The following DOCK4 variants were observed in gnomAD, a reference collection of about 807,000 sequenced individuals.
The protein encoded by DOCK4 is dedicator of cytokinesis 4.
In DOCK4, 97 loss-of-function variants were observed where a neutral mutation model predicts 268.1. That is an observed-to-expected ratio of 0.36 (90% confidence interval 0.31 to 0.43). DOCK4 has a LOEUF of 0.43. Ranked by LOEUF, DOCK4 falls within the 20% of genes least tolerant of loss-of-function variation. The pLI is 1.00. For synonymous variants in DOCK4, 954 were observed against 887.2 expected, an observed-to-expected ratio of 1.08 and a Z score of -1.34; for missense variants, 2,145 against 2,455.7, an observed-to-expected ratio of 0.87 and a Z score of 2.67.
chr7:111,744,675 T>C (rs1796148060), intron 44 of DOCK4, among the ~76,000 whole-genome samples: 1 of 152,172 alleles, frequency 6.6e-6, no homozygotes, highest in African/African-American at 2.4e-5. Flanking sequence ...AAAACACAGA[T>C]CTTTAAAAAT....
At chr7:112,128,716 GCATGCTCGTTAAGAGTCAT>G (rs1226216600) in intron 1 of DOCK4, among the ~76,000 whole-genome samples, 1 of 152,016 alleles carries the variant, frequency 6.6e-6, no homozygotes, top group East Asian at 1.9e-4. Context: ...CTTGAAGGCA[GCATGCTCGTTAAGAGTCAT>G]CACCACTCCC....
intron 1 of DOCK4, among the ~76,000 whole-genome samples, chr7:112,201,422 C>T (rs1820924119): frequency 1.3e-5 from 2 of 152,076 alleles, no homozygotes; most frequent in Admixed American, 1.3e-4. Flanking sequence ...TTATAAGGTT[C>T]ATGGATTTTC....
intron 1 of DOCK4, among the ~76,000 whole-genome samples, chr7:112,082,054 TG>T (rs57896953): frequency 0.5 from 75,574 of 151,858 alleles, 21,032 homozygotes; most frequent in African/African-American, 0.77. Flanking sequence ...TGGAGAGGCG[TG>T]GGGAATTACA....
chr7:111,937,129 A>G (rs187861969), intron 11 of DOCK4, among the ~76,000 whole-genome samples: 124 of 150,330 alleles, frequency 8.2e-4, no homozygotes, highest in Non-Finnish European at 1.0e-3. Flanking sequence ...ACAAACAAAC[A>G]AAAGCTCCTA....
chr7:112,181,065 AT>A (rs1209271570), intron 1 of DOCK4, among the ~76,000 whole-genome samples: 2 of 152,246 alleles, frequency 1.3e-5, no homozygotes, highest in Non-Finnish European at 2.9e-5. Flanking sequence ...AATGTTGTTA[AT>A]TTTGCTCATT....
At chr7:112,072,243 T>C (rs756734579) in intron 1 of DOCK4, among the ~76,000 whole-genome samples, 1 of 152,130 alleles carries the variant, frequency 6.6e-6, no homozygotes, top group East Asian at 1.9e-4. Flanking sequence ...AAAAAAAATC[T>C]ATCTATAACC....
chr7:112,134,719 TAAAG>T (rs770709975), intron 1 of DOCK4, among the ~76,000 whole-genome samples: 4 of 151,760 alleles, frequency 2.6e-5, no homozygotes, highest in East Asian at 1.9e-4. Flanking sequence ...CCATCTCAAA[TAAAG>T]AAAGAAAGAA....
chr7:112,172,819 A>AT (rs1241556583), intron 1 of DOCK4, among the ~76,000 whole-genome samples: 2 of 152,170 alleles, frequency 1.3e-5, no homozygotes, highest in Non-Finnish European at 2.9e-5. Context: ...ACATTTTGAT[A>AT]TTTTTTCTTT....
intron 1 of DOCK4, among the ~76,000 whole-genome samples, chr7:112,197,785 T>C (rs1354624935): frequency 6.6e-6 from 1 of 152,102 alleles, no homozygotes; most frequent in Non-Finnish European, 1.5e-5. Context: ...ACTTCAGCCT[T>C]CACTCCTAAG....
Position 111,765,100 on chromosome 7 carries a change from A to T in DOCK4, c.4020+18T>A. 1.6e-6 allele frequency: 2 copies of T among 1,277,000 alleles called. No homozygotes were observed. The highest frequency in any genetic ancestry group is 2.1e-6 in the Non-Finnish European group (2 of 935,152). The allele number at this position is 1,277,000 out of a possible 1,614,324, so 79.1% of individuals were successfully genotyped here. On this transcript the variant is annotated intron_variant, in intron 39 of 52. Coordinates refer to ENST00000428084, the MANE Select transcript of DOCK4 (RefSeq NM_001363540.2). ...TATATGAGAGCTGTGAAAGCAAATT[A>T]AATAGTATATTACTTACTCTTAAGA...
intron 35 of DOCK4, among the ~76,000 whole-genome samples, chr7:111,781,210 G>C (rs1448912797): frequency 6.6e-6 from 1 of 152,206 alleles, no homozygotes; most frequent in South Asian, 2.1e-4. Context: ...AAAGGTAAAG[G>C]CTTTGAGGTT....
chr7:111,749,385 G>T (rs1471007053), intron 42 of DOCK4, among the ~76,000 whole-genome samples: 5 of 152,104 alleles, frequency 3.3e-5, no homozygotes, highest in Non-Finnish European at 7.4e-5. Context: ...AGTGAATATC[G>T]AGTTTGAGTT....
intron 1 of DOCK4, among the ~76,000 whole-genome samples, chr7:112,107,294 G>A (rs537932935): frequency 5.3e-5 from 8 of 152,270 alleles, no homozygotes; most frequent in Admixed American, 2.6e-4. Context: ...TTGGAGATAG[G>A]GTCTTTAAAG....
At chr7:111,947,839 T>C (rs1795742853) in intron 8 of DOCK4, among the ~76,000 whole-genome samples, 1 of 152,122 alleles carries the variant, frequency 6.6e-6, no homozygotes, top group Admixed American at 6.5e-5. Flanking sequence ...TTCTCCTGCC[T>C]CAGCTTCCAG....
Position 111,915,878 on chromosome 7 carries a change from G to A in DOCK4, c.1093C>T (p.His365Tyr). The A allele has an allele frequency of 1.9e-6, 3 of 1,612,076 alleles. No individual in the cohort carries two copies. The highest frequency in any genetic ancestry group is 2.5e-6 in the Non-Finnish European group (3 of 1,179,064). ...CTTCTGATTTGTTCAATGTCTCCGT[G>A]CAATAGCTGTAAGGAAACTGCTAAA... ...AGLAVSLQLL[H>Y]GDIEQIRREY... The change falls in exon 13 of 53, where the codon CAC becomes TAC. Residue 365 changes from histidine to tyrosine, a missense_variant. His to Tyr is a moderately conservative substitution (Grantham distance 83, BLOSUM62 2). Transcript: ENST00000428084.
chr7:111,771,153 C>G (rs1317025802), intron 36 of DOCK4, among the ~76,000 whole-genome samples: 1 of 152,174 alleles, frequency 6.6e-6, no homozygotes, highest in African/African-American at 2.4e-5. Context: ...TTTAGGCCTC[C>G]TACAGTGACA....
At chr7:112,192,003 A>C (rs1204086868) in intron 1 of DOCK4, among the ~76,000 whole-genome samples, 1 of 148,282 alleles carries the variant, frequency 6.7e-6, no homozygotes, top group Non-Finnish European at 1.5e-5. Flanking sequence ...ATTATATATT[A>C]TATAGTATAT....
rs2133694658 is a variant in DOCK4, at chr7:111,772,739, T to C, written c.3680-3062A>G. 2.0e-5 allele frequency among the ~76,000 whole-genome samples: 3 copies of C among 152,282 alleles called. No homozygotes were observed. In the Middle Eastern group the frequency reaches 0.01, roughly 518 times the overall value. The stretch of plus-strand genomic sequence containing the variant: ...TGAACCCAGGAGATGGAGGTTGCAG[T>C]GAGCTGAGATCATGCCATTGCACTC... On this transcript the variant is annotated intron_variant, in intron 36 of 52. Coordinates refer to ENST00000428084, the MANE Select transcript of DOCK4 (RefSeq NM_001363540.2).
chr7:111,989,638 A>G (rs1799361365), intron 5 of DOCK4, among the ~76,000 whole-genome samples: 1 of 152,208 alleles, frequency 6.6e-6, no homozygotes, highest in Non-Finnish European at 1.5e-5. Context: ...TGGATCCCCT[A>G]TCAGAAGTTG....
Sources: gnomAD v4.1 joint callset for allele counts (sites outside exome capture counted in the v4.1 genomes callset) on GRCh38, gnomAD v4.1.1 for gene constraint, MANE v1.5 for transcripts, NCBI Gene and HGNC (gene_info 2026-07-23, HGNC 2026-07-21) for gene names.